PRTFDC1: variants seen among roughly 807,000 people sequenced by gnomAD.
PRTFDC1 encodes the protein phosphoribosyltransferase domain-containing protein 1.
PRTFDC1 carries 38 observed loss-of-function variants against 34.6 expected under a neutral mutation model. That is an observed-to-expected ratio of 1.10 (90% CI 0.85 to 1.44). The LOEUF is 1.44. Ranked by LOEUF, PRTFDC1 falls within the 40% of genes most tolerant of loss-of-function variation. The pLI, the probability that PRTFDC1 is intolerant of heterozygous loss-of-function variation, is 0.00. For synonymous variants in PRTFDC1, 93 were observed against 98.1 expected, an observed-to-expected ratio of 0.95 and a Z score of 0.31; for missense variants, 270 against 283.0, an observed-to-expected ratio of 0.95 and a Z score of 0.33.
rs758917515 is a variant in PRTFDC1, at chr10:24,942,396, G to A, written c.89C>T (p.Thr30Met). ...DWPGYDLNLF[T>M]YPQHYYGDLE... ...GTCTCCATAATAGTGCTGTGGGTACGTGAATAAATTCAAGTCATACCCTGG... is the reference window on the plus strand; with the variant it reads ...GTCTCCATAATAGTGCTGTGGGTACATGAATAAATTCAAGTCATACCCTGG... The change falls in exon 2 of 9, where the codon ACG (threonine) becomes ATG (methionine). Residue 30 changes from threonine to methionine, a missense_variant. By Grantham distance (81) the Thr-to-Met change is moderately conservative. Coordinates refer to ENST00000320152, the MANE Select transcript of PRTFDC1 (RefSeq NM_020200.7). 3.1e-5 allele frequency: 50 copies of A among 1,613,546 alleles called. No individual in the cohort carries two copies. In the South Asian group the frequency reaches 3.2e-4, roughly 10 times the overall value.
chr10:24,909,873 A>C (rs1220415011), intron 3 of PRTFDC1, among the ~76,000 whole-genome samples: 2 of 152,058 alleles, frequency 1.3e-5, no homozygotes, highest in African/African-American at 4.8e-5. Flanking sequence ...AATTTTGGCC[A>C]GGCGTGTTGG....
In PRTFDC1 at chr10:24,855,311, CACTT is replaced by C. The variant is rs781215422; in HGVS notation, c.553+3_553+6del. The stretch of plus-strand genomic sequence containing the variant: ...AACAAACAAACAAAAAACTGAAAAA[CACTT>C]ACAGTCAGGTCTAAAGCCGTCACTT... On this transcript the variant is annotated splice_donor_5th_base_variant and intron_variant, in intron 7 of 8. Coordinates refer to ENST00000320152, the MANE Select transcript of PRTFDC1 (RefSeq NM_020200.7). 4 of 1,611,652 alleles carry C rather than the reference CACTT, an allele frequency of 2.5e-6. No individual in the cohort carries two copies. Among genetic ancestry groups the C allele is most frequent in the African/African-American group, 2.7e-5 (2 of 74,778 alleles).
intron 3 of PRTFDC1, among the ~76,000 whole-genome samples, chr10:24,910,196 C>A (rs1848606391): frequency 6.6e-6 from 1 of 151,984 alleles, no homozygotes; most frequent in East Asian, 1.9e-4. Flanking sequence ...ATAACCTGAA[C>A]AATGGTGGAA....
chr10:24,864,644 T>C (rs1212176613), intron 4 of PRTFDC1, among the ~76,000 whole-genome samples: 1 of 152,224 alleles, frequency 6.6e-6, no homozygotes, highest in Admixed American at 6.5e-5. Flanking sequence ...ACACACTTAG[T>C]AGACTACCAT....
Position 24,952,448 on chromosome 10 carries a change from G to C in PRTFDC1, c.48+80C>G, listed in dbSNP as rs530382122. On this transcript the variant is annotated intron_variant, in intron 1 of 8. Transcript: ENST00000320152. This position sits in a 1 kb window ranked among gnomAD's most constrained non-coding sequence, Gnocchi z 5.1. ...TGGCCCTCTCTCTCCCCCGACGCAC[G>C]GCAAGCATTTAATCTACAAGCAGGG... The C allele has an allele frequency of 4.6e-5, 67 of 1,467,778 alleles. 2 individuals carry two copies. In the East Asian group the frequency reaches 1.5e-3, roughly 33 times the overall value. The allele number at this position is 1,467,778 out of a possible 1,614,324, so 90.9% of individuals were successfully genotyped here.
intron 3 of PRTFDC1, among the ~76,000 whole-genome samples, chr10:24,929,316 T>A (rs1230591072): frequency 6.6e-6 from 1 of 152,150 alleles, no homozygotes; most frequent in East Asian, 1.9e-4. Context: ...GGGAGCAGGT[T>A]TGTGGCTAAC....
At chr10:24,880,573 A>T (rs2132523869) in intron 3 of PRTFDC1, among the ~76,000 whole-genome samples, 1 of 152,346 alleles carries the variant, frequency 6.6e-6, no homozygotes, top group East Asian at 1.9e-4. Flanking sequence ...CATACATGTA[A>T]GCCATGTGCT....
chr10:24,851,566 T>G (rs570471893), intron 7 of PRTFDC1, 102 bp from the exon 8 acceptor site: 3 of 1,508,320 alleles, frequency 2.0e-6, no homozygotes, highest in Middle Eastern at 1.8e-4. Flanking sequence ...TGAGGACCTT[T>G]CATTGAGGCA....
chr10:24,928,491 C>T (rs55891662), intron 3 of PRTFDC1, among the ~76,000 whole-genome samples: 49,135 of 151,896 alleles, frequency 0.32, 9,359 homozygotes, highest in African/African-American at 0.53. Flanking sequence ...TTGCCCAGGC[C>T]GGAGTGCAGT....
chr10:24,942,890 C>T (rs1283757132), intron 1 of PRTFDC1, among the ~76,000 whole-genome samples: 1 of 152,106 alleles, frequency 6.6e-6, no homozygotes. Context: ...TCAAGTGATC[C>T]ACCTGCCTCA....
chr10:24,905,222 C>T (rs866034312), intron 3 of PRTFDC1, among the ~76,000 whole-genome samples: 4 of 150,786 alleles, frequency 2.7e-5, no homozygotes, highest in Non-Finnish European at 5.9e-5. Flanking sequence ...CAGAGGTGGG[C>T]GGATTGCTTG....
intron 3 of PRTFDC1, among the ~76,000 whole-genome samples, chr10:24,877,277 C>T (rs1224200825): frequency 6.6e-6 from 1 of 152,110 alleles, no homozygotes; most frequent in Non-Finnish European, 1.5e-5. Context: ...TACAGTGATC[C>T]TCCTGCCTCA....
intron 4 of PRTFDC1, among the ~76,000 whole-genome samples, chr10:24,866,734 G>A (rs1435155416): frequency 6.6e-6 from 1 of 151,684 alleles, no homozygotes; most frequent in Non-Finnish European, 1.5e-5. Flanking sequence ...GACCTATTTA[G>A]AACCATGACT....
At chr10:24,907,573 G>A (rs1445704260) in intron 3 of PRTFDC1, among the ~76,000 whole-genome samples, 1 of 152,210 alleles carries the variant, frequency 6.6e-6, no homozygotes, top group Non-Finnish European at 1.5e-5. Context: ...TCTGGCCTGG[G>A]CAACAGAGTG....
chr10:24,929,940 C>G (rs1703600409), intron 3 of PRTFDC1, among the ~76,000 whole-genome samples: 2 of 152,138 alleles, frequency 1.3e-5, no homozygotes, highest in Admixed American at 1.3e-4. Flanking sequence ...GCAGTCCTAG[C>G]TGTTTGGGAA....
chr10:24,856,840 C>T, intron 6 of PRTFDC1, 73 bp downstream of exon 6: 1 of 1,300,100 alleles, frequency 7.7e-7, no homozygotes, highest in Non-Finnish European at 1.1e-6. Flanking sequence ...TTGGAAAGAG[C>T]ATCCTGTGTT....
At chr10:24,860,796 A>C (rs1291046141) in intron 4 of PRTFDC1, among the ~76,000 whole-genome samples, 2 of 152,148 alleles carry the variant, frequency 1.3e-5, no homozygotes, top group African/African-American at 4.8e-5. Context: ...GATCCTAACA[A>C]CCAATTTGCA....
At chr10:24,923,586 C>A (rs560035676) in intron 3 of PRTFDC1, among the ~76,000 whole-genome samples, 1 of 152,302 alleles carries the variant, frequency 6.6e-6, no homozygotes, top group African/African-American at 2.4e-5. Context: ...AACTAGCAAA[C>A]AGAAAGGAAT....
chr10:24,896,874 A>C (rs759894760), intron 3 of PRTFDC1, among the ~76,000 whole-genome samples: 2 of 152,232 alleles, frequency 1.3e-5, no homozygotes, highest in Non-Finnish European at 2.9e-5. Flanking sequence ...CAGGAGTTTA[A>C]GACCAGCCTG....
Sources: gnomAD v4.1 joint callset for allele counts (sites outside exome capture counted in the v4.1 genomes callset) on GRCh38, gnomAD v4.1.1 for gene constraint, Gnocchi (gnomAD v3.1) non-coding constraint, MANE v1.5 for transcripts, NCBI Gene and HGNC (gene_info 2026-07-23, HGNC 2026-07-21) for gene names.